TCF12: variants seen among roughly 807,000 people sequenced by gnomAD.
TCF12 encodes DNA-binding protein HTF4.
Under a neutral mutation model 86.0 loss-of-function variants are expected in TCF12, and 45 were observed. The observed-to-expected ratio is 0.52, with a 90% CI of 0.41 to 0.67. TCF12 has a LOEUF of 0.67. Among genes scored for constraint, TCF12 ranks in the 30% least tolerant of loss-of-function variants. The probability of loss-of-function intolerance (pLI) is 0.00; values close to 1 mark genes in which losing one functional copy is unlikely to be tolerated. For synonymous variants in TCF12, 330 were observed against 299.6 expected (o/e 1.10, Z -1.05); for missense variants, 881 against 859.9 (o/e 1.02, Z -0.31).
At chr15:57,046,316 G>A (rs1382674737) in intron 3 of TCF12, among the ~76,000 whole-genome samples, 6 of 152,180 alleles carry the variant, frequency 3.9e-5, no homozygotes, top group Admixed American at 2.0e-4. Context: ...ACCTTACATA[G>A]TTACTACAGA....
intron 12 of TCF12, among the ~76,000 whole-genome samples, chr15:57,243,015 A>G (rs1047869420): frequency 6.6e-6 from 1 of 152,244 alleles, no homozygotes. Context: ...AATGAGAGAT[A>G]AGGGGTAACT....
chr15:57,084,781 GTATAT>G (rs1274433578), intron 4 of TCF12, among the ~76,000 whole-genome samples: 3 of 151,802 alleles, frequency 2.0e-5, no homozygotes, highest in African/African-American at 7.3e-5. Flanking sequence ...TATATTAATT[GTATAT>G]TATAAATGTA....
At chr15:57,079,808 A>G (rs2070469116) in intron 4 of TCF12, among the ~76,000 whole-genome samples, 1 of 152,188 alleles carries the variant, frequency 6.6e-6, no homozygotes, top group South Asian at 2.1e-4. Context: ...ATGAGAGGGT[A>G]GTGTATTTAG....
chr15:57,027,327 GGA>G (rs2065881849), intron 3 of TCF12, among the ~76,000 whole-genome samples: 2 of 152,126 alleles, frequency 1.3e-5, no homozygotes, highest in African/African-American at 4.8e-5. Context: ...AAATTGTACA[GGA>G]TAAACTCTTG....
rs1222098105 is a variant in TCF12, at chr15:57,219,564, T to A, written c.580-11588T>A. On this transcript the variant is annotated intron_variant, in intron 8 of 20. Transcript: ENST00000333725. ...TGTCCCTGGAATGGGCAGCAATTCT[T>A]TGATGTATTACTACAATGGGAAAAC... 3 of 1,613,692 alleles carry A rather than the reference T, an allele frequency of 1.9e-6. No individual in the cohort carries two copies. The Admixed American group carries it at 5.0e-5, about 27-fold the overall frequency.
At chr15:57,016,563 T>G (rs1291631833) in intron 3 of TCF12, among the ~76,000 whole-genome samples, 2 of 152,106 alleles carry the variant, frequency 1.3e-5, no homozygotes, top group Non-Finnish European at 2.9e-5. Flanking sequence ...TTAAATACAT[T>G]TGGTCCTCCC....
intron 5 of TCF12, among the ~76,000 whole-genome samples, chr15:57,142,520 AAAAT>A (rs2053054313): frequency 9.5e-6 from 1 of 105,472 alleles, no homozygotes; most frequent in African/African-American, 2.9e-5. Flanking sequence ...TTTGAACAAC[AAAAT>A]AAATAGTGAT....
chr15:57,128,998 T>C lies in TCF12; in HGVS notation c.325+37107T>C, dbSNP rs533817580. The stretch of plus-strand genomic sequence containing the variant: ...ATGAATAATATTGCTGTGTATTTGC[T>C]GTACAAGTTTTTGTATGGACGTATT... On this transcript the variant is annotated intron_variant, in intron 5 of 20. Transcript: ENST00000333725. 3.9e-5 allele frequency among the ~76,000 whole-genome samples: 6 copies of C among 152,368 alleles called. No individual in the cohort carries two copies. The South Asian group carries it at 1.2e-3, about 32-fold the overall frequency.
At chr15:57,049,629 G>C (rs1484262834) in intron 3 of TCF12, among the ~76,000 whole-genome samples, 1 of 152,118 alleles carries the variant, frequency 6.6e-6, no homozygotes. Flanking sequence ...AGACATTAGG[G>C]CTGTTTCAAG....
chr15:57,227,761 C>T (rs776672821), intron 8 of TCF12, among the ~76,000 whole-genome samples: 2 of 151,834 alleles, frequency 1.3e-5, no homozygotes, highest in African/African-American at 4.8e-5. Context: ...AGAGTTGGTC[C>T]CATGGTAGCT....
At chr15:57,214,363 C>A (rs1311349022) in intron 8 of TCF12, 1 of 152,166 alleles carries the variant, frequency 6.6e-6, no homozygotes, top group Non-Finnish European at 1.5e-5. Context: ...TTATTCACCT[C>A]AGAAAGAGAT....
intron 8 of TCF12, among the ~76,000 whole-genome samples, chr15:57,211,165 A>G (rs1274508004): frequency 1.3e-5 from 2 of 152,242 alleles, no homozygotes; most frequent in African/African-American, 4.8e-5. Context: ...CAAAATTGTT[A>G]TTGAGTAAAT....
At chr15:57,215,846 A>G (rs2058310486) in intron 8 of TCF12, among the ~76,000 whole-genome samples, 2 of 152,162 alleles carry the variant, frequency 1.3e-5, no homozygotes, top group Admixed American at 1.3e-4. Flanking sequence ...AATAAAGTAG[A>G]TAAAAATACT....
intron 4 of TCF12, among the ~76,000 whole-genome samples, chr15:57,091,456 G>A (rs1027035979): frequency 1.2e-4 from 18 of 152,100 alleles, no homozygotes; most frequent in Non-Finnish European, 2.4e-4. Context: ...AGTAATCTTA[G>A]AGGTAATTTT....
At chr15:57,248,197 A>T (rs1029895413) in intron 13 of TCF12, 1 of 656,292 alleles carries the variant, frequency 1.5e-6, no homozygotes, top group Non-Finnish European at 2.7e-6. Flanking sequence ...CACTGGGCCT[A>T]ATGCAGTTGC....
chr15:57,228,285 A>G (rs908759061), intron 8 of TCF12, among the ~76,000 whole-genome samples: 1 of 152,114 alleles, frequency 6.6e-6, no homozygotes, highest in Non-Finnish European at 1.5e-5. Flanking sequence ...AGATACCAAA[A>G]GTAAAGTTAT....
chr15:57,015,789 G>A (rs538943749), intron 3 of TCF12, among the ~76,000 whole-genome samples: 14 of 152,314 alleles, frequency 9.2e-5, no homozygotes, highest in African/African-American at 3.4e-4. Context: ...AGTACTGTGG[G>A]CTTGTGCCCT....
intron 4 of TCF12, among the ~76,000 whole-genome samples, chr15:57,091,037 T>G (rs2048962495): frequency 6.6e-6 from 1 of 152,222 alleles, no homozygotes; most frequent in African/African-American, 2.4e-5. Flanking sequence ...AGAAATGTAA[T>G]AACAGCTACT....
At position 56,984,014 on chromosome 15, in the gene TCF12, A is replaced by AAAAAAAAAAAAAAAAAAAAAAAAGAAG. The variant is rs777234282; in HGVS notation, c.148+62918_148+62919insAAAAAAAAAAAAAAAAAAAAAGAAGAA. ...GAGACCCTGTCTCAAAAAAAAAAAA[A>AAAAAAAAAAAAAAAAAAAAAAAAGAAG]AAGAAGAAGAAGAATTTTGGATCAA... On this transcript the variant is annotated intron_variant, in intron 3 of 20. Transcript: ENST00000333725. Among the ~76,000 whole-genome samples the AAAAAAAAAAAAAAAAAAAAAAAAGAAG allele has an allele frequency of 5.7e-5, 6 of 104,446 alleles. No individual in the cohort carries two copies. In the South Asian group the frequency reaches 1.4e-3, roughly 24 times the overall value. 68.5% of individuals were successfully genotyped at this position (104,446 alleles called of 152,430 possible).
Sources: allele counts gnomAD v4.1 joint callset (sites outside exome capture counted in the v4.1 genomes callset), GRCh38; gene constraint gnomAD v4.1.1; transcripts MANE v1.5; gene names NCBI Gene and HGNC (gene_info 2026-07-23, HGNC 2026-07-21).